The following TTC13 variants were observed in gnomAD, a reference collection of about 807,000 sequenced individuals.
The protein encoded by TTC13 is tetratricopeptide repeat protein 13.
Under a neutral mutation model 120.0 loss-of-function variants are expected in TTC13, and 62 were observed. The observed-to-expected ratio is 0.52, with a 90% CI of 0.42 to 0.64. The LOEUF (loss-of-function observed/expected upper bound fraction) is 0.64. Ranked by LOEUF, TTC13 falls within the 30% of genes least tolerant of loss-of-function variation. The pLI is 0.00. For missense variants in TTC13, 824 were observed against 1,050.2 expected (o/e 0.78, Z 2.98); for synonymous variants, 384 against 393.5 (o/e 0.98, Z 0.28).
chr1:230,927,959 T>G (rs1673182943), intron 12 of TTC13, among the ~76,000 whole-genome samples: 1 of 152,194 alleles, frequency 6.6e-6, no homozygotes, highest in South Asian at 2.1e-4. Context: ...CTAACACACC[T>G]TTCCCATTTA....
intron 20 of TTC13, among the ~76,000 whole-genome samples, chr1:230,909,611 T>C (rs538636892): frequency 6.6e-6 from 1 of 152,336 alleles, no homozygotes; most frequent in African/African-American, 2.4e-5. Context: ...CAGCAATGCA[T>C]GTATACAATA....
Position 230,978,826 on chromosome 1 carries a change from G to A in TTC13, c.5C>T (p.Ala2Val), listed in dbSNP as rs1301994730. Residue 2 changes from alanine to valine, a missense_variant, in exon 1 of 23, where the codon GCA becomes GTA. Coordinates refer to ENST00000366661, the MANE Select transcript of TTC13 (RefSeq NM_024525.5). This position sits in a 1 kb window ranked among gnomAD's most constrained non-coding sequence, Gnocchi z 5.6. ...GCAGCAGCAGCAGCAGCCGGCAGGTGCCATCTTCCCTCAAGGCGCATGCGC... is the reference window on the plus strand; with the variant it reads ...GCAGCAGCAGCAGCAGCCGGCAGGTACCATCTTCCCTCAAGGCGCATGCGC... M[A>V]PAGCCCCCCF... 2.7e-6 allele frequency: 4 copies of A among 1,477,254 alleles called. No individual in the cohort carries two copies. Among genetic ancestry groups the A allele is most frequent in the Non-Finnish European group, 3.6e-6 (4 of 1,124,596 alleles). 91.5% of individuals were successfully genotyped at this position (1,477,254 alleles called of 1,614,324 possible). A position where few individuals can be genotyped will look rare whatever the true frequency, so the allele number is the denominator to read the frequency against.
In TTC13 at chr1:230,944,782, T is replaced by A. The variant is rs111317683; in HGVS notation, c.579+607A>T. Among the ~76,000 whole-genome samples the A allele has an allele frequency of 8.5e-4, 130 of 152,142 alleles. No homozygotes were observed. Among genetic ancestry groups the A allele is most frequent in the African/African-American group, 3.0e-3 (125 of 41,528 alleles). ...GTATACAATAAGACAATAGAAAAAG[T>A]TTGCATATAATGTCCTAGACTAAAA... On this transcript the variant is annotated intron_variant, in intron 5 of 22. Coordinates refer to ENST00000366661, the MANE Select transcript of TTC13 (RefSeq NM_024525.5). The surrounding 1 kb of genome is among the most constrained non-coding windows in gnomAD (Gnocchi z 4.0).
intron 20 of TTC13, among the ~76,000 whole-genome samples, chr1:230,910,377 C>T (rs1053025851): frequency 2.0e-5 from 3 of 152,212 alleles, no homozygotes; most frequent in Non-Finnish European, 2.9e-5. Flanking sequence ...GCTAGCACTG[C>T]GCACTGTGTA....
intron 9 of TTC13, among the ~76,000 whole-genome samples, chr1:230,932,402 C>T (rs186967607): frequency 1.6e-4 from 24 of 151,156 alleles, no homozygotes; most frequent in Non-Finnish European, 3.2e-4. Flanking sequence ...TGTAACCATT[C>T]CAGGATGGAA....
At chr1:230,924,727 G>T in intron 14 of TTC13, 114 bp downstream of exon 14, 1 of 1,190,346 alleles carries the variant, frequency 8.4e-7, no homozygotes, top group Non-Finnish European at 1.2e-6. Context: ...AACCTAACTT[G>T]GAAGGCCTGG....
chr1:230,908,439 C>T (rs191768957), intron 22 of TTC13: 5 of 510,110 alleles, frequency 9.8e-6, no homozygotes, highest in African/African-American at 3.8e-5. Context: ...ATCCTTCCAC[C>T]TCAGCCTCCC....
chr1:230,938,967 T>C (rs936794711), intron 8 of TTC13, among the ~76,000 whole-genome samples: 24 of 152,092 alleles, frequency 1.6e-4, no homozygotes, highest in African/African-American at 5.6e-4. Flanking sequence ...CACGCTCTCC[T>C]CTCTGCCTGA....
At chr1:230,952,813 T>C (rs1050778344) in intron 4 of TTC13, among the ~76,000 whole-genome samples, 1 of 152,164 alleles carries the variant, frequency 6.6e-6, no homozygotes, top group African/African-American at 2.4e-5. Context: ...AAATGCATAC[T>C]TTGAAAAGGC....
chr1:230,930,789 G>A (rs1344286925), intron 11 of TTC13, among the ~76,000 whole-genome samples: 5 of 152,138 alleles, frequency 3.3e-5, no homozygotes, highest in Admixed American at 6.5e-5. Flanking sequence ...ATGATGGCGC[G>A]CCCTTGTAGT....
chr1:230,923,352 C>T (rs1672763059), intron 15 of TTC13, among the ~76,000 whole-genome samples: 1 of 152,016 alleles, frequency 6.6e-6, no homozygotes, highest in Non-Finnish European at 1.5e-5. Context: ...CCTGACTTGC[C>T]CTCCCCAGAT....
intron 13 of TTC13, 133 bp from the exon 14 acceptor site, chr1:230,925,106 C>G: frequency 8.7e-7 from 1 of 1,146,354 alleles, no homozygotes; most frequent in Non-Finnish European, 1.2e-6. Context: ...TAACAAGACC[C>G]AAGGCACGTT....
chr1:230,914,486 A>C (rs1299467626), intron 18 of TTC13, among the ~76,000 whole-genome samples: 1 of 151,808 alleles, frequency 6.6e-6, no homozygotes. Flanking sequence ...CCTCCCCGTC[A>C]TGGGTTCAAG....
rs74805160 is a variant in TTC13, at chr1:230,970,143, C to T, written c.271+8417G>A. ...GAACATGGTACATTTGTCACAACTC[C>T]TTCTGCCAATGCTGGGTCCTAGTAA... is the stretch of plus-strand genomic sequence containing the variant. On this transcript the variant is annotated intron_variant, in intron 1 of 22. Transcript: ENST00000366661. Among the ~76,000 whole-genome samples, 71 of 152,352 alleles carry T rather than the reference C, an allele frequency of 4.7e-4. 1 individual carries two copies. The East Asian group carries it at 0.012, about 26-fold the overall frequency.
In TTC13 at chr1:230,942,011, A is replaced by T. The variant is rs923648121; in HGVS notation, c.673-1455T>A. Among the ~76,000 whole-genome samples, 1 of 152,218 alleles carries T rather than the reference A, an allele frequency of 6.6e-6. No individual in the cohort carries two copies. Among genetic ancestry groups the T allele is most frequent in the African/African-American group, 2.4e-5 (1 of 41,442 alleles). On this transcript the variant is annotated intron_variant, in intron 6 of 22. Coordinates refer to ENST00000366661, the MANE Select transcript of TTC13 (RefSeq NM_024525.5). This position sits in a 1 kb window ranked among gnomAD's most constrained non-coding sequence, Gnocchi z 4.0. Reference sequence around the variant, plus strand: ...TGGTATGTTATAATTTAGCCGGAAAATTCAGTATGTAGTAACATTATTGCC... The same window carrying T: ...TGGTATGTTATAATTTAGCCGGAAATTTCAGTATGTAGTAACATTATTGCC...
At chr1:230,916,101 G>T (rs1231198075) in intron 18 of TTC13, 92 bp downstream of exon 18, 2 of 953,494 alleles carry the variant, frequency 2.1e-6, no homozygotes, top group Non-Finnish European at 3.4e-6. Context: ...TGGAGCAAAA[G>T]TTCAACACCA....
intron 8 of TTC13, chr1:230,936,229 T>A: frequency 2.2e-6 from 1 of 456,266 alleles, no homozygotes; most frequent in Non-Finnish European, 4.4e-6. Context: ...GGTTTCGGGG[T>A]TCCTGTCTAA....
chr1:230,929,646 A>ATT (rs1673367339), intron 11 of TTC13, among the ~76,000 whole-genome samples: 1 of 152,150 alleles, frequency 6.6e-6, no homozygotes, highest in South Asian at 2.1e-4. Flanking sequence ...CCTTTCCAGG[A>ATT]AAACCACTAA....
At chr1:230,939,005 C>T (rs1422026100) in intron 8 of TTC13, among the ~76,000 whole-genome samples, 2 of 152,176 alleles carry the variant, frequency 1.3e-5, no homozygotes, top group South Asian at 4.1e-4. Context: ...ACCTCCACCC[C>T]CTAATCCTAC....
Sources: allele counts gnomAD v4.1 joint callset (sites outside exome capture counted in the v4.1 genomes callset), GRCh38; gene constraint gnomAD v4.1.1; non-coding constraint Gnocchi (gnomAD v3.1); transcripts MANE v1.5; gene names NCBI Gene and HGNC (gene_info 2026-07-23, HGNC 2026-07-21).